Variants in XIRP2 observed in about 807,000 individuals in gnomAD.
XIRP2 encodes the protein xin actin-binding repeat-containing protein 2.
A neutral mutation model predicts 277.0 loss-of-function variants in XIRP2; 236 were observed. The ratio of observed to expected loss-of-function variants is 0.85; its 90% CI spans 0.77 to 0.95. The LOEUF (loss-of-function observed/expected upper bound fraction) is 0.95, where lower values mean the gene tolerates loss of function less well. Ranked by LOEUF, XIRP2 falls within the 40% of genes least tolerant of loss-of-function variation. The pLI is 0.00. For missense variants in XIRP2, 4,640 were observed against 4,157.5 expected, an observed-to-expected ratio of 1.12 and a Z score of -3.19; for synonymous variants, 1,490 against 1,416.5, an observed-to-expected ratio of 1.05 and a Z score of -1.17.
At chr2:167,186,997 C>T (rs1693174024) in intron 3 of XIRP2, among the ~76,000 whole-genome samples, 1 of 152,098 alleles carries the variant, frequency 6.6e-6, no homozygotes, top group South Asian at 2.1e-4. Flanking sequence ...TAAATGGAAA[C>T]TTTTTCCACC....
chr2:167,016,054 C>G (rs1687820027), intron 2 of XIRP2, among the ~76,000 whole-genome samples: 1 of 151,714 alleles, frequency 6.6e-6, no homozygotes, highest in Non-Finnish European at 1.5e-5. Context: ...TTCTCCCCTT[C>G]CAAGCCTCCA....
intron 2 of XIRP2, among the ~76,000 whole-genome samples, chr2:167,026,441 T>C (rs981261738): frequency 6.6e-6 from 1 of 152,204 alleles, no homozygotes; most frequent in East Asian, 1.9e-4. Flanking sequence ...AATTGGAGCA[T>C]TTATCCCATT....
At chr2:166,889,876 ATTC>A (rs1431894375) in intron 1 of XIRP2, 1 of 97,376 alleles carries the variant, frequency 1.0e-5, no homozygotes, top group East Asian at 2.4e-4. Flanking sequence ...TCTCCTTGTT[ATTC>A]TTCTCCATAG....
chr2:167,014,703 ATGT>A (rs1179276881), intron 2 of XIRP2, among the ~76,000 whole-genome samples: 1 of 151,832 alleles, frequency 6.6e-6, no homozygotes, highest in Non-Finnish European at 1.5e-5. Flanking sequence ...GGCTCATGAA[ATGT>A]TGAGCAGAAT....
intron 2 of XIRP2, among the ~76,000 whole-genome samples, chr2:166,949,591 C>G (rs934850731): frequency 6.6e-6 from 1 of 152,042 alleles, no homozygotes; most frequent in African/African-American, 2.4e-5. Context: ...TGAATAGCAC[C>G]TTGCTCAATG....
chr2:167,062,586 G>T (rs921363574), intron 2 of XIRP2, among the ~76,000 whole-genome samples: 29 of 152,060 alleles, frequency 1.9e-4, no homozygotes, highest in African/African-American at 7.0e-4. Context: ...ACATAAAGTT[G>T]ATATTATTTC....
intron 3 of XIRP2, among the ~76,000 whole-genome samples, chr2:167,194,521 A>G (rs2105370077): frequency 6.6e-6 from 1 of 152,252 alleles, no homozygotes; most frequent in Middle Eastern, 3.4e-3. Context: ...TAACCCCAGC[A>G]TTATAACCAG....
chr2:167,117,586 G>A (rs1005654629), intron 2 of XIRP2, among the ~76,000 whole-genome samples: 55 of 152,250 alleles, frequency 3.6e-4, no homozygotes, highest in African/African-American at 1.1e-3. Context: ...ACTAACCTTT[G>A]TGATGTTTGC....
In XIRP2 at chr2:167,245,931, C is replaced by T. The variant is rs774931846; in HGVS notation, c.4539C>T (p.Thr1513=). ...CACATAAAGGTATCACAAAAATGACCAAGGAAGAAATCCCTCCTTCTGATG... is the reference window on the plus strand; with the variant it reads ...CACATAAAGGTATCACAAAAATGACTAAGGAAGAAATCCCTCCTTCTGATG... ...MEAHKGITKM[T]KEEIPPSDVK... is the part of the protein sequence containing the mutation. The change falls in exon 9 of 11, where the codon ACC becomes ACT. Residue 1513 remains threonine, a synonymous_variant. Transcript: ENST00000409195. The T allele has an allele frequency of 1.2e-6, 2 of 1,613,584 alleles. No homozygotes were observed. The highest frequency in any genetic ancestry group is 2.2e-5 in the South Asian group (2 of 91,048).
chr2:167,018,060 C>A (rs1172656941), intron 2 of XIRP2, among the ~76,000 whole-genome samples: 1 of 152,020 alleles, frequency 6.6e-6, no homozygotes, highest in Non-Finnish European at 1.5e-5. Context: ...GGCTCTAATA[C>A]CTAGCCTTTT....
intron 3 of XIRP2, among the ~76,000 whole-genome samples, chr2:167,163,750 T>A (rs916365519): frequency 2.0e-5 from 3 of 152,234 alleles, no homozygotes; most frequent in Admixed American, 6.5e-5. Context: ...CAAAGATATT[T>A]CTGTGCTTTC....
At chr2:166,953,989 A>C (rs1393222095) in intron 2 of XIRP2, among the ~76,000 whole-genome samples, 1 of 151,958 alleles carries the variant, frequency 6.6e-6, no homozygotes, top group Non-Finnish European at 1.5e-5. Context: ...AATTTTCCCC[A>C]CATATTTTAT....
At chr2:167,066,088 C>G (rs1463117059) in intron 2 of XIRP2, among the ~76,000 whole-genome samples, 2 of 151,674 alleles carry the variant, frequency 1.3e-5, no homozygotes, top group Non-Finnish European at 3.0e-5. Flanking sequence ...GTGTAGAACT[C>G]TTAACATGGG....
At chr2:167,195,925 A>T (rs555836942) in intron 3 of XIRP2, among the ~76,000 whole-genome samples, 6 of 152,280 alleles carry the variant, frequency 3.9e-5, no homozygotes, top group Admixed American at 1.3e-4. Flanking sequence ...GGCCCTGCAG[A>T]GCTTCCATTG....
chr2:167,082,884 T>G (rs960806348), intron 2 of XIRP2, among the ~76,000 whole-genome samples: 91 of 152,292 alleles, frequency 6.0e-4, no homozygotes, highest in African/African-American at 1.9e-3. Context: ...TTTCTCCCAT[T>G]TTGTAGGTTG....
chr2:167,096,633 TTGA>T (rs1690325915), intron 2 of XIRP2, among the ~76,000 whole-genome samples: 1 of 152,180 alleles, frequency 6.6e-6, no homozygotes, highest in East Asian at 1.9e-4. Context: ...TCTTTTAATT[TTGA>T]TGTTAGAATG....
intron 3 of XIRP2, among the ~76,000 whole-genome samples, chr2:167,192,748 T>G (rs1693385570): frequency 6.6e-6 from 1 of 152,044 alleles, no homozygotes; most frequent in Non-Finnish European, 1.5e-5. Context: ...CAGCTACCAG[T>G]GTGGGGTCCA....
Position 167,136,079 on chromosome 2 carries a change from G to C in XIRP2, c.562+17G>C, listed in dbSNP as rs981004324. 1 of 1,580,464 alleles carries C rather than the reference G, an allele frequency of 6.3e-7. No individual in the cohort carries two copies. Among genetic ancestry groups the C allele is most frequent in the African/African-American group, 1.4e-5 (1 of 73,858 alleles). On this transcript the variant is annotated intron_variant, in intron 3 of 10. Coordinates refer to ENST00000409195, the MANE Select transcript of XIRP2 (RefSeq NM_152381.6). ...TCTTTGAAGGTTAGCATAACATTTT[G>C]ATATGCTTTCTTGACATCATACCTT...
chr2:167,101,752 A>G (rs536301316), intron 2 of XIRP2, among the ~76,000 whole-genome samples: 1 of 152,350 alleles, frequency 6.6e-6, no homozygotes, highest in African/African-American at 2.4e-5. Context: ...CTTAGAAGGA[A>G]GACTTACTTT....
Sources: allele counts gnomAD v4.1 joint callset (sites outside exome capture counted in the v4.1 genomes callset), GRCh38; gene constraint gnomAD v4.1.1; transcripts MANE v1.5; gene names NCBI Gene and HGNC (gene_info 2026-07-23, HGNC 2026-07-21).